The following THAP12 variants were observed in gnomAD, a reference collection of about 807,000 sequenced individuals.
THAP12 encodes the protein 52 kDa repressor of the inhibitor of the protein kinase.
In THAP12, 20 loss-of-function variants were observed where a neutral mutation model predicts 63.0. The observed-to-expected ratio is 0.32, with a 90% CI of 0.22 to 0.46. The LOEUF (loss-of-function observed/expected upper bound fraction) is 0.46, where lower values mean the gene tolerates loss of function less well. Ranked by LOEUF, THAP12 falls within the 20% of genes least tolerant of loss-of-function variation. The pLI, the probability that THAP12 is intolerant of heterozygous loss-of-function variation, is 1.00. For synonymous variants in THAP12, 264 were observed against 328.4 expected, an observed-to-expected ratio of 0.80 and a Z score of 2.12; for missense variants, 568 against 908.2, an observed-to-expected ratio of 0.63 and a Z score of 4.81.
chr11:76,371,137 T>C (rs1440489279), intron 1 of THAP12, among the ~76,000 whole-genome samples: 1 of 152,160 alleles, frequency 6.6e-6, no homozygotes, highest in African/African-American at 2.4e-5. Flanking sequence ...TAGTATCTCT[T>C]CCAAACTGGT....
intron 1 of THAP12, among the ~76,000 whole-genome samples, chr11:76,371,682 T>C (rs1047448729): frequency 6.6e-6 from 1 of 151,404 alleles, no homozygotes; most frequent in Non-Finnish European, 1.5e-5. Flanking sequence ...GTCTCCTTAA[T>C]CAATGCCAAG....
rs574131282 is a variant in THAP12 at position 76,362,998 on chromosome 11, C to T, written c.211-1935G>A. On this transcript the variant is annotated intron_variant, in intron 2 of 4. Coordinates refer to ENST00000260045, the MANE Select transcript of THAP12 (RefSeq NM_004705.4). Reference sequence around the variant, plus strand: ...TCTCTACAAAAAATACAAAAATTAGCGAGGTATGGTGGCATGTGCCTGTAG... The same window carrying T: ...TCTCTACAAAAAATACAAAAATTAGTGAGGTATGGTGGCATGTGCCTGTAG... Among the ~76,000 whole-genome samples, 36 of 152,100 alleles carry T rather than the reference C, an allele frequency of 2.4e-4. No homozygotes were observed. In the South Asian group the frequency reaches 7.1e-3, roughly 30 times the overall value.
chr11:76,358,297 A>G, intron 3 of THAP12: 1 of 152,192 alleles, frequency 6.6e-6, no homozygotes, highest in Non-Finnish European at 1.5e-5. Flanking sequence ...ACAGACCAAG[A>G]TTCACAAATG....
chr11:76,359,795 C>G (rs1344650089), intron 3 of THAP12, among the ~76,000 whole-genome samples: 2 of 149,782 alleles, frequency 1.3e-5, no homozygotes, highest in African/African-American at 4.9e-5. Context: ...CCACTGCACT[C>G]CAGCCTGGGT....
Position 76,350,892 on chromosome 11 carries a change from T to G in THAP12, c.2258A>C (p.Asp753Ala). The G allele has an allele frequency of 6.5e-7, 1 of 1,544,660 alleles. No homozygotes were observed. ...LYTSKSELPT[D>A]NSETVENT Reference sequence around the variant, plus strand: ...GGTATTTTCCACAGTTTCGGAATTATCTGTAGGAAGCTCTGACTTACTTGT... The same window carrying G: ...GGTATTTTCCACAGTTTCGGAATTAGCTGTAGGAAGCTCTGACTTACTTGT... Residue 753 changes from aspartate (D) to alanine (A), a missense_variant, in exon 5 of 5, where the codon GAT becomes GCT. Coordinates refer to ENST00000260045, the MANE Select transcript of THAP12 (RefSeq NM_004705.4).
rs374466017 is a variant in THAP12, at chr11:76,363,473, A to T, written c.210+2379T>A. On this transcript the variant is annotated intron_variant, in intron 2 of 4. Transcript: ENST00000260045. ...ATCCTTCAGCCTTGGACTCCTGAGT[A>T]GCTGGGACTACAGACACGTGCCACT... Among the ~76,000 whole-genome samples, 11 of 152,252 alleles carry T rather than the reference A, an allele frequency of 7.2e-5. No homozygotes were observed. The East Asian group carries it at 2.1e-3, about 29-fold the overall frequency.
At chr11:76,353,786 G>A (rs1946542900) in intron 4 of THAP12, among the ~76,000 whole-genome samples, 2 of 152,182 alleles carry the variant, frequency 1.3e-5, no homozygotes, top group African/African-American at 4.8e-5. Flanking sequence ...TGAGGTGGGT[G>A]GATCACGAGG....
rs1461115327 is a variant in THAP12, at chr11:76,352,004, T to A, written c.1146A>T (p.Gly382=). 3 of 1,609,178 alleles carry A rather than the reference T, an allele frequency of 1.9e-6. No homozygotes were observed. Among genetic ancestry groups the A allele is most frequent in the Admixed American group, 1.7e-5 (1 of 59,552 alleles). ...VPVMGVSVAL[G]TIEEVCSFFH... is the part of the protein sequence containing the mutation. ...AAAAAGAACAAACTTCCTCAATTGT[T>A]CCTAATGCAACAGATACTCCCATAA... Residue 382 remains glycine (G), a synonymous_variant, in exon 5 of 5, where the codon GGA becomes GGT. Transcript: ENST00000260045.
chr11:76,354,867 T>C (rs1946549389), intron 4 of THAP12, among the ~76,000 whole-genome samples: 1 of 152,136 alleles, frequency 6.6e-6, no homozygotes, highest in South Asian at 2.1e-4. Context: ...TGAGTGTAGT[T>C]CCCCAAAACA....
chr11:76,373,207 A>C (rs918260004), intron 1 of THAP12, among the ~76,000 whole-genome samples: 4 of 150,360 alleles, frequency 2.7e-5, no homozygotes, highest in Non-Finnish European at 4.4e-5. Flanking sequence ...TTAGCCAGGC[A>C]TGGTGGTATG....
intron 3 of THAP12, 55 bp from the exon 4 acceptor site, chr11:76,355,709 C>G (rs767203670): frequency 4.9e-6 from 7 of 1,421,166 alleles, no homozygotes; most frequent in South Asian, 1.3e-5. Flanking sequence ...AAACTGACCT[C>G]TAGTGTATCA....
intron 1 of THAP12, among the ~76,000 whole-genome samples, chr11:76,375,390 C>CTTTTT (rs533659659): frequency 1.2e-3 from 165 of 132,914 alleles, no homozygotes; most frequent in African/African-American, 4.1e-3. Context: ...AAGACTTAGG[C>CTTTTT]TTTTTTTTTT....
chr11:76,350,038 T>C lies in THAP12; in HGVS notation c.*826A>G, dbSNP rs567698991. ...TTCACCAAAAATAACAGCAATATTT[T>C]CCATATTTTTCTAGATAAACCACAA... On this transcript the variant is annotated 3_prime_UTR_variant, in exon 5 of 5. Transcript: ENST00000260045. 44 of 152,866 alleles carry C rather than the reference T, an allele frequency of 2.9e-4. No individual in the cohort carries two copies. Among genetic ancestry groups the C allele is most frequent in the South Asian group, 1.2e-3 (6 of 4,828 alleles). 9.5% of individuals were successfully genotyped at this position (152,866 alleles called of 1,614,324 possible).
At chr11:76,379,692 C>A (rs889705277) in intron 1 of THAP12, among the ~76,000 whole-genome samples, 3 of 152,094 alleles carry the variant, frequency 2.0e-5, no homozygotes, top group African/African-American at 7.2e-5. Context: ...ACCCTCTAAC[C>A]TTTGTTTATT....
chr11:76,373,549 T>C (rs1413096363), intron 1 of THAP12, among the ~76,000 whole-genome samples: 2 of 151,730 alleles, frequency 1.3e-5, no homozygotes, highest in Non-Finnish European at 2.9e-5. Flanking sequence ...AGACCCTGTC[T>C]CTAAAAAAAA....
At position 76,380,783 on chromosome 11, in the gene THAP12, G is replaced by C; in HGVS notation, c.54C>G (p.Asp18Glu). ...CCCGCGGGAACCTGAAGAAGGCCAA[G>C]TCGGACTGCGTGCTCTTCCGCGTGC... The part of the protein sequence containing the change: ...PNCTRKSTQS[D>E]LAFFRFPRDP... The change falls in exon 1 of 5, where the codon GAC becomes GAG. Residue 18 changes from aspartate (D) to glutamate (E), a missense_variant. Physicochemically the swap from Asp to Glu is conservative, Grantham distance 45 (BLOSUM62 2). Transcript: ENST00000260045. 1 of 1,467,842 alleles carries C rather than the reference G, an allele frequency of 6.8e-7. No individual in the cohort carries two copies. The allele number at this position is 1,467,842 out of a possible 1,614,324, so 90.9% of individuals were successfully genotyped here.
At chr11:76,367,934 G>A (rs940389890) in intron 1 of THAP12, among the ~76,000 whole-genome samples, 3 of 152,118 alleles carry the variant, frequency 2.0e-5, no homozygotes, top group Non-Finnish European at 4.4e-5. Flanking sequence ...CAGTAACGAT[G>A]CCTAAGATGT....
Position 76,350,836 on chromosome 11 carries a change from T to C in THAP12, c.*28A>G, listed in dbSNP as rs1946520695. On this transcript the variant is annotated 3_prime_UTR_variant, in exon 5 of 5. Coordinates refer to ENST00000260045, the MANE Select transcript of THAP12 (RefSeq NM_004705.4). ...ACGGCTTTTTCTTCCAAATATCAAA[T>C]ATAAGAAAGCCTATTTTTAAAAGTC... 6.7e-7 allele frequency: 1 copy of C among 1,502,160 alleles called. No homozygotes were observed. Among genetic ancestry groups the C allele is most frequent in the African/African-American group, 1.4e-5 (1 of 71,192 alleles). 93.1% of individuals were successfully genotyped at this position (1,502,160 alleles called of 1,614,324 possible).
chr11:76,377,066 GC>G (rs1946716697), intron 1 of THAP12, among the ~76,000 whole-genome samples: 1 of 152,150 alleles, frequency 6.6e-6, no homozygotes, highest in Non-Finnish European at 1.5e-5. Flanking sequence ...CACTGGGAAT[GC>G]CCCAGGACTC....
Sources: allele counts gnomAD v4.1 joint callset (sites outside exome capture counted in the v4.1 genomes callset), GRCh38; gene constraint gnomAD v4.1.1; transcripts MANE v1.5; gene names NCBI Gene and HGNC (gene_info 2026-07-23, HGNC 2026-07-21).